Variants in ZNF341 observed in about 807,000 individuals in gnomAD.
ZNF341 encodes the protein zinc finger protein 341.
Under a neutral mutation model 87.7 loss-of-function variants are expected in ZNF341, and 52 were observed. That is an observed-to-expected ratio of 0.59 (90% CI 0.47 to 0.75). The LOEUF (loss-of-function observed/expected upper bound fraction) is 0.75, where lower values mean the gene tolerates loss of function less well. Among genes scored for constraint, ZNF341 ranks in the 30% least tolerant of loss-of-function variants. The pLI, the probability that ZNF341 is intolerant of heterozygous loss-of-function variation, is 0.00. For missense variants in ZNF341, 977 were observed against 1,145.9 expected (o/e 0.85, Z 2.13); for synonymous variants, 459 against 472.7 (o/e 0.97, Z 0.38).
At chr20:33,762,086 C>T (rs1211304440) in intron 8 of ZNF341, 31 bp downstream of exon 8, 1 of 1,490,104 alleles carries the variant, frequency 6.7e-7, no homozygotes, top group Admixed American at 1.9e-5. Flanking sequence ...CCATGCTTCC[C>T]ACACCTCTCT....
intron 10 of ZNF341, among the ~76,000 whole-genome samples, chr20:33,774,801 G>C (rs1311412656): frequency 6.6e-6 from 1 of 152,044 alleles, no homozygotes; most frequent in African/African-American, 2.4e-5. Context: ...AACCTTGCCT[G>C]TACAAAAAAT....
chr20:33,743,009 C>T (rs369032941), intron 2 of ZNF341, among the ~76,000 whole-genome samples: 2 of 151,286 alleles, frequency 1.3e-5, no homozygotes, highest in African/African-American at 2.4e-5. Flanking sequence ...GCCTGGGCAA[C>T]ACAACAGGAC....
chr20:33,751,278 G>A (rs2019050092), intron 4 of ZNF341, among the ~76,000 whole-genome samples: 1 of 152,068 alleles, frequency 6.6e-6, no homozygotes, highest in South Asian at 2.1e-4. Context: ...TACTGGCTGC[G>A]TTTCACGACT....
At chr20:33,737,121 G>A (rs1306272111) in intron 1 of ZNF341, among the ~76,000 whole-genome samples, 1 of 152,130 alleles carries the variant, frequency 6.6e-6, no homozygotes, top group Non-Finnish European at 1.5e-5. Context: ...AAGTGTTTTG[G>A]TGGAACTGTA....
At chr20:33,776,565 T>G (rs1217811778) in intron 10 of ZNF341, among the ~76,000 whole-genome samples, 1 of 152,150 alleles carries the variant, frequency 6.6e-6, no homozygotes. Context: ...TTTTTATTTT[T>G]TATAAAGATG....
chr20:33,755,458 G>A (rs962575734), intron 5 of ZNF341, among the ~76,000 whole-genome samples: 3 of 151,804 alleles, frequency 2.0e-5, no homozygotes, highest in African/African-American at 2.4e-5. Context: ...CACCATACCC[G>A]GCCAGATTTT....
At chr20:33,735,855 C>G (rs1188468258) in intron 1 of ZNF341, among the ~76,000 whole-genome samples, 1 of 151,986 alleles carries the variant, frequency 6.6e-6, no homozygotes, top group Non-Finnish European at 1.5e-5. Flanking sequence ...TCCTTGATGC[C>G]TGGCAACCAC....
chr20:33,788,891 C>G lies in ZNF341; in HGVS notation c.1881C>G (p.Cys627Trp). 1.2e-6 allele frequency: 2 copies of G among 1,614,008 alleles called. No individual in the cohort carries two copies. The highest frequency in any genetic ancestry group is 4.5e-5 in the East Asian group (2 of 44,882). ...SGEKPYKCSVCESAFNRKDKL... is the reference protein window; with the variant it reads ...SGEKPYKCSVWESAFNRKDKL... ...AGAAGCCCTACAAATGCTCAGTGTG[C>G]GAGTCTGCGTTCAACCGCAAGGACA... is the stretch of plus-strand genomic sequence containing the variant. The change falls in exon 13 of 15, where the codon TGC (cysteine) becomes TGG (tryptophan). Residue 627 changes from cysteine (C) to tryptophan (W), a missense_variant. Physicochemically the swap from Cys to Trp is radical, Grantham distance 215. Around this residue, in one of 3 missense-constraint regions of ZNF341, gnomAD observed 241 missense variants for 335.0 expected, o/e 0.72. Transcript: ENST00000375200.
intron 1 of ZNF341, among the ~76,000 whole-genome samples, chr20:33,736,549 G>A (rs2018688830): frequency 6.6e-6 from 1 of 152,058 alleles, no homozygotes; most frequent in South Asian, 2.1e-4. Flanking sequence ...GAGTGCAGTG[G>A]CATGATCTTG....
chr20:33,764,546 TATATATATATATATA>T (rs1248702880), intron 8 of ZNF341, among the ~76,000 whole-genome samples: 12 of 72,430 alleles, frequency 1.7e-4, no homozygotes, highest in Admixed American at 1.1e-3. Flanking sequence ...TGTATGTGTA[TATATATATATATATA>T]TTTTTTTTTT....
intron 10 of ZNF341, among the ~76,000 whole-genome samples, chr20:33,776,512 G>A (rs752048364): frequency 6.6e-5 from 10 of 151,684 alleles, no homozygotes; most frequent in Admixed American, 1.3e-4. Flanking sequence ...TCAGCCTCCT[G>A]AGTAGCTGGG....
intron 5 of ZNF341, 88 bp downstream of exon 5, chr20:33,753,511 G>C: frequency 6.9e-7 from 1 of 1,445,014 alleles, no homozygotes. Context: ...CTGTGTGCCA[G>C]ACACTGTGCT....
intron 1 of ZNF341, among the ~76,000 whole-genome samples, chr20:33,735,904 A>G (rs1568930344): frequency 6.6e-6 from 1 of 152,018 alleles, no homozygotes; most frequent in Admixed American, 6.6e-5. Flanking sequence ...GATTTCAAGA[A>G]TACTATATAA....
chr20:33,737,477 A>G (rs1477588328), intron 1 of ZNF341, among the ~76,000 whole-genome samples: 3 of 152,148 alleles, frequency 2.0e-5, no homozygotes, highest in Non-Finnish European at 4.4e-5. Flanking sequence ...ACCTGCCACC[A>G]TGCCCGGCTA....
chr20:33,790,704 C>T (rs969189340), intron 14 of ZNF341, among the ~76,000 whole-genome samples: 10 of 152,150 alleles, frequency 6.6e-5, no homozygotes, highest in African/African-American at 2.4e-4. Flanking sequence ...CTGAGATGAC[C>T]TGGCAAAGCG....
intron 10 of ZNF341, among the ~76,000 whole-genome samples, chr20:33,780,190 G>A (rs1011831284): frequency 1.3e-5 from 2 of 151,960 alleles, no homozygotes; most frequent in Non-Finnish European, 2.9e-5. Context: ...AGAGTGTTCC[G>A]GGGAACAGGA....
At chr20:33,788,596 T>G (rs1299860489) in intron 12 of ZNF341, 1 of 477,862 alleles carries the variant, frequency 2.1e-6, no homozygotes, top group South Asian at 2.1e-5. Flanking sequence ...TTGTACCTGC[T>G]TTCCCTGCTG....
intron 1 of ZNF341, among the ~76,000 whole-genome samples, chr20:33,734,643 A>C (rs943777606): frequency 3.9e-5 from 6 of 152,182 alleles, no homozygotes; most frequent in Non-Finnish European, 8.8e-5. Context: ...GATGAGGATT[A>C]CTGGAAGAAC....
chr20:33,757,378 A>G (rs77905538), intron 6 of ZNF341, 35 bp downstream of exon 6: 2 of 1,426,958 alleles, frequency 1.4e-6, no homozygotes, highest in East Asian at 2.6e-5. Context: ...ATCTTTCCTC[A>G]ACATTGGCCA....
Sources: allele counts gnomAD v4.1 joint callset (sites outside exome capture counted in the v4.1 genomes callset), GRCh38; gene constraint gnomAD v4.1.1; regional missense constraint gnomAD v4.1.1; transcripts MANE v1.5; gene names NCBI Gene and HGNC (gene_info 2026-07-23, HGNC 2026-07-21).